FBXO41: variants seen among roughly 807,000 people sequenced by gnomAD.
The protein encoded by FBXO41 is F-box only protein 41.
Under a neutral mutation model 81.6 loss-of-function variants are expected in FBXO41, and 33 were observed. The ratio of observed to expected loss-of-function variants is 0.40; its 90% CI spans 0.31 to 0.54. FBXO41 has a LOEUF of 0.54. FBXO41 is among the 20% of genes least tolerant of loss of function. The probability of loss-of-function intolerance (pLI) is 0.39; values close to 1 mark genes in which losing one functional copy is unlikely to be tolerated. For missense variants in FBXO41, 1,107 were observed against 1,236.0 expected (o/e 0.90, Z 1.56); for synonymous variants, 576 against 552.7 (o/e 1.04, Z -0.59).
intron 2 of FBXO41, 64 bp downstream of exon 2, chr2:73,268,662 G>C: frequency 7.1e-7 from 1 of 1,415,226 alleles, no homozygotes; most frequent in South Asian, 1.5e-5. Context: ...CGCCCACGGT[G>C]GTGGTGGTGG....
Position 73,269,237 on chromosome 2 carries a change from A to G in FBXO41, c.394T>C (p.Leu132=). 2.6e-6 allele frequency: 4 copies of G among 1,528,166 alleles called. No individual in the cohort carries two copies. The highest frequency in any genetic ancestry group is 1.4e-5 in the African/African-American group (1 of 69,754). 94.7% of individuals were successfully genotyped at this position (1,528,166 alleles called of 1,614,324 possible). A position where few individuals can be genotyped will look rare whatever the true frequency, so the allele number is the denominator to read the frequency against. The change falls in exon 2 of 13, where the codon TTG becomes CTG. Residue 132 remains leucine, a synonymous_variant. Coordinates refer to ENST00000520530, the MANE Select transcript of FBXO41 (RefSeq NM_001371389.2). The surrounding 1 kb of genome is among the most constrained non-coding windows in gnomAD (Gnocchi z 7.0). ...LVPASLPCEE[L]AEPGLVPAAA... is the part of the protein sequence containing the mutation. ...GCGGGCACAAGGCCCGGCTCGGCCA[A>G]CTCCTCACAGGGCAGGCTAGCGGGC...
intron 5 of FBXO41, among the ~76,000 whole-genome samples, chr2:73,264,730 T>C (rs777765790): frequency 5.9e-5 from 9 of 152,102 alleles, no homozygotes; most frequent in Non-Finnish European, 1.3e-4. Context: ...ATCCCTTGTG[T>C]AAACTTCCTT....
intron 1 of FBXO41, among the ~76,000 whole-genome samples, chr2:73,275,323 C>T (rs533437469): frequency 6.6e-6 from 1 of 152,230 alleles, no homozygotes; most frequent in South Asian, 2.1e-4. Flanking sequence ...GCTGGGATTG[C>T]AAGCACCCAC....
intron 1 of FBXO41, among the ~76,000 whole-genome samples, chr2:73,279,021 A>C (rs1006657220): frequency 6.6e-6 from 1 of 152,230 alleles, no homozygotes; most frequent in African/African-American, 2.4e-5. Flanking sequence ...CAGAGAGCCA[A>C]GGTCAGGAAG....
intron 9 of FBXO41, among the ~76,000 whole-genome samples, chr2:73,261,927 T>C (rs955654637): frequency 4.6e-5 from 7 of 152,066 alleles, no homozygotes; most frequent in African/African-American, 1.7e-4. Flanking sequence ...TATAAAGAAA[T>C]TATTGCAAAG....
chr2:73,266,655 CAGGA>C lies in FBXO41; in HGVS notation c.929_932del (p.Phe310Ter). The C allele has an allele frequency of 6.2e-7, 1 of 1,600,318 alleles. No homozygotes were observed. The highest frequency in any genetic ancestry group is 1.1e-5 in the South Asian group (1 of 89,506). On this transcript the variant is annotated frameshift_variant, in exon 3 of 13. Coordinates refer to ENST00000520530, the MANE Select transcript of FBXO41 (RefSeq NM_001371389.2). LOFTEE classifies it high-confidence loss of function. This position sits in a 1 kb window ranked among gnomAD's most constrained non-coding sequence, Gnocchi z 5.3. ...TGGCCTCCCGCGCCGCCGTCTCCTT[CAGGA>C]ACTGGTCGATCTGCACCACCTCCCT...
At chr2:73,282,488 A>G (rs1393480981) in intron 1 of FBXO41, among the ~76,000 whole-genome samples, 2 of 152,134 alleles carry the variant, frequency 1.3e-5, no homozygotes, top group Non-Finnish European at 2.9e-5. Context: ...GGAGGACTTG[A>G]GCCCAGGAGT....
chr2:73,269,074 G>T lies in FBXO41; in HGVS notation c.557C>A (p.Ala186Asp). 6.6e-7 allele frequency: 1 copy of T among 1,514,342 alleles called. No individual in the cohort carries two copies. The highest frequency in any genetic ancestry group is 1.2e-5 in the South Asian group (1 of 80,246). The allele number at this position is 1,514,342 out of a possible 1,614,324, so 93.8% of individuals were successfully genotyped here. The change falls in exon 2 of 13, where the codon GCT (alanine) becomes GAT (aspartate). Residue 186 changes from alanine to aspartate, a missense_variant. By Grantham distance (126) the Ala-to-Asp change is moderately radical (BLOSUM62 -2). This residue lies in a region of FBXO41 where 771 missense variants were observed against 789.2 expected (regional missense o/e 0.98). Transcript: ENST00000520530. The surrounding 1 kb of genome is among the most constrained non-coding windows in gnomAD (Gnocchi z 7.0). Reference protein sequence around the residue: ...GPGPCPGPASASPASPSPADV... With the variant: ...GPGPCPGPASDSPASPSPADV... ...AGCGGGTGAGGGGGACGCGGGCGAAGCGGAGGCAGGCCCGGGGCAAGGGCC... is the reference window on the plus strand; with the variant it reads ...AGCGGGTGAGGGGGACGCGGGCGAATCGGAGGCAGGCCCGGGGCAAGGGCC...
chr2:73,265,063 G>A (rs1306449531), intron 5 of FBXO41, among the ~76,000 whole-genome samples: 5 of 152,128 alleles, frequency 3.3e-5, no homozygotes, highest in Non-Finnish European at 5.9e-5. Flanking sequence ...CACGTGAATG[G>A]CCCCCCTGCC....
chr2:73,264,595 C>G, intron 5 of FBXO41, 76 bp from the exon 6 acceptor site: 1 of 1,582,100 alleles, frequency 6.3e-7, no homozygotes, highest in Non-Finnish European at 8.6e-7. Flanking sequence ...GGAGCTGGGG[C>G]AGGGTAGGAT....
In FBXO41 at chr2:73,269,650, C is replaced by A; in HGVS notation, c.-20G>T. The A allele has an allele frequency of 1.7e-6, 2 of 1,167,904 alleles. No homozygotes were observed. The highest frequency in any genetic ancestry group is 3.6e-5 in the South Asian group (1 of 27,656). 72.3% of individuals were successfully genotyped at this position (1,167,904 alleles called of 1,614,324 possible). ...GGCCATGGCCCCGCCGCCCCCGCGG[C>A]ACGCGGGCTCCACCGCGGCCGCCCC... On this transcript the variant is annotated 5_prime_UTR_variant, in exon 2 of 13. Coordinates refer to ENST00000520530, the MANE Select transcript of FBXO41 (RefSeq NM_001371389.2). This position sits in a 1 kb window ranked among gnomAD's most constrained non-coding sequence, Gnocchi z 7.0.
At chr2:73,265,667 G>T in intron 4 of FBXO41, 27 bp from the exon 5 acceptor site, 1 of 1,477,124 alleles carries the variant, frequency 6.8e-7, no homozygotes, top group Non-Finnish European at 9.0e-7. Flanking sequence ...CACACAGTAA[G>T]GGGTAAGAGG....
In FBXO41 at chr2:73,259,037, C is replaced by T. The variant is rs1237762194; in HGVS notation, c.2573G>A (p.Arg858Gln). 4 of 1,602,466 alleles carry T rather than the reference C, an allele frequency of 2.5e-6. No homozygotes were observed. Among genetic ancestry groups the T allele is most frequent in the African/African-American group, 1.3e-5 (1 of 74,788 alleles). ...AATCTTAGAGAAGCCGGGCCTCCGT[C>T]GCAGAGCCTGCGGACCGAACCCTGG... ...EDMVTKLQAL[R>Q]RRPGFSKILH... is the part of the protein sequence containing the mutation. Residue 858 changes from arginine to glutamine, a missense_variant, in exon 13 of 13, where the codon CGA (arginine) becomes CAA (glutamine). Arg to Gln is a conservative substitution (Grantham distance 43, BLOSUM62 1). Transcript: ENST00000520530. This position sits in a 1 kb window ranked among gnomAD's most constrained non-coding sequence, Gnocchi z 4.2.
chr2:73,265,498 C>T lies in FBXO41; in HGVS notation c.1348G>A (p.Gly450Ser). The T allele has an allele frequency of 6.3e-7, 1 of 1,597,740 alleles. No homozygotes were observed. Among genetic ancestry groups the T allele is most frequent in the Non-Finnish European group, 8.5e-7 (1 of 1,175,196 alleles). ...CGAGGGGGCTGGGACCGCTCTGAGC[C>T]CCCGTTGGCAGCCTGGGCCCGTGTG... ...LGTRAQAANG[G>S]SERSQPPRSS... is the part of the protein sequence containing the mutation. Residue 450 changes from glycine (G) to serine (S), a missense_variant, in exon 5 of 13, where the codon GGC becomes AGC. By Grantham distance (56) the Gly-to-Ser change is moderately conservative. Transcript: ENST00000520530.
In FBXO41 at chr2:73,263,440, G is replaced by A. The variant is rs57722605; in HGVS notation, c.2076-132C>T. ...TCCAGACTAGCTTGGGCAATACGGC[G>A]AGACCCCGTCTCCATTTAAAAAAAA... is the stretch of plus-strand genomic sequence containing the variant. On this transcript the variant is annotated intron_variant, in intron 8 of 12. Transcript: ENST00000520530. 9.5e-5 allele frequency: 72 copies of A among 761,468 alleles called. No individual in the cohort carries two copies. In the East Asian group the frequency reaches 1.5e-3, roughly 16 times the overall value. 47.2% of individuals were successfully genotyped at this position (761,468 alleles called of 1,614,324 possible).
intron 1 of FBXO41, chr2:73,270,774 T>G (rs1166593340): frequency 1.9e-6 from 1 of 533,232 alleles, no homozygotes; most frequent in Non-Finnish European, 3.9e-6. Flanking sequence ...CATCTCTGGC[T>G]TCTTGTCACT....
chr2:73,265,254 T>TC (rs1688201340), intron 5 of FBXO41, 28 bp downstream of exon 5: 2 of 1,560,834 alleles, frequency 1.3e-6, no homozygotes, highest in Non-Finnish European at 8.6e-7. Flanking sequence ...CAGACCTGTG[T>TC]CCCCCTGCCC....
At chr2:73,278,615 C>T (rs1688758906) in intron 1 of FBXO41, among the ~76,000 whole-genome samples, 1 of 152,180 alleles carries the variant, frequency 6.6e-6, no homozygotes, top group Non-Finnish European at 1.5e-5. Context: ...ATGAAATAAA[C>T]ATTATGCAAG....
At chr2:73,282,800 G>A (rs1287433401) in intron 1 of FBXO41, among the ~76,000 whole-genome samples, 2 of 152,170 alleles carry the variant, frequency 1.3e-5, no homozygotes, top group Non-Finnish European at 2.9e-5. Flanking sequence ...CTCCCTCTCT[G>A]TGTCTGTCTC....
Sources: gnomAD v4.1 joint callset for allele counts (sites outside exome capture counted in the v4.1 genomes callset) on GRCh38, gnomAD v4.1.1 for gene constraint, gnomAD v4.1.1 regional missense constraint, Gnocchi (gnomAD v3.1) non-coding constraint, MANE v1.5 for transcripts, NCBI Gene and HGNC (gene_info 2026-07-23, HGNC 2026-07-21) for gene names.